SLC38A6: variants seen among roughly 807,000 people sequenced by gnomAD.
SLC38A6 encodes the protein N system amino acid transporter NAT-1.
In SLC38A6, 73 loss-of-function variants were observed where a neutral mutation model predicts 65.0. That is an observed-to-expected ratio of 1.12 (90% confidence interval 0.93 to 1.37). The LOEUF is 1.37. Among genes scored for constraint, SLC38A6 ranks in the 40% most tolerant of loss-of-function variants. The probability of loss-of-function intolerance (pLI) is 0.00; values close to 1 mark genes in which losing one functional copy is unlikely to be tolerated. For synonymous variants in SLC38A6, 183 were observed against 178.8 expected, an observed-to-expected ratio of 1.02 and a Z score of -0.19; for missense variants, 561 against 531.1, an observed-to-expected ratio of 1.06 and a Z score of -0.55.
intron 3 of SLC38A6, among the ~76,000 whole-genome samples, chr14:61,013,589 A>C (rs1029154198): frequency 4.6e-5 from 7 of 152,198 alleles, no homozygotes; most frequent in African/African-American, 1.7e-4. Context: ...GGTGATGACA[A>C]AATCTCTCAG....
At chr14:61,061,475 C>T (rs1566721952) in intron 15 of SLC38A6, among the ~76,000 whole-genome samples, 1 of 152,118 alleles carries the variant, frequency 6.6e-6, no homozygotes, top group South Asian at 2.1e-4. Flanking sequence ...AGTCCCTCCT[C>T]CTCAATTTTT....
At chr14:61,039,365 A>ATTAT (rs527316473) in intron 8 of SLC38A6, among the ~76,000 whole-genome samples, 369 of 151,580 alleles carry the variant, frequency 2.4e-3, no homozygotes, top group Non-Finnish European at 4.3e-3. Flanking sequence ...TGTTTATTTT[A>ATTAT]TTATTTATTT....
At chr14:61,019,445 C>G (rs2040222778) in intron 4 of SLC38A6, 96 bp from the exon 5 acceptor site, 1 of 1,230,082 alleles carries the variant, frequency 8.1e-7, no homozygotes, top group African/African-American at 1.5e-5. Flanking sequence ...ACTTCTGCAT[C>G]TGCTTTTTTA....
chr14:60,998,323 C>T (rs2038438211), intron 3 of SLC38A6, among the ~76,000 whole-genome samples: 1 of 151,868 alleles, frequency 6.6e-6, no homozygotes, highest in Non-Finnish European at 1.5e-5. Context: ...ATTCCAGGTC[C>T]ACAGGCAGGA....
chr14:61,082,161 C>G (rs969913020), intron 16 of SLC38A6, among the ~76,000 whole-genome samples: 1 of 152,094 alleles, frequency 6.6e-6, no homozygotes, highest in Non-Finnish European at 1.5e-5. Context: ...TTAGCACCCC[C>G]GCACCACCCT....
At chr14:61,003,979 T>A (rs1398335964) in intron 3 of SLC38A6, among the ~76,000 whole-genome samples, 1 of 152,136 alleles carries the variant, frequency 6.6e-6, no homozygotes, top group Non-Finnish European at 1.5e-5. Flanking sequence ...GAGATATTCT[T>A]ATAAAACTAA....
At position 61,051,880 on chromosome 14, in the gene SLC38A6, GT is replaced by G. The variant is rs1566713525; in HGVS notation, c.1148del (p.Leu383TyrfsTer15). The G allele has an allele frequency of 6.2e-7, 1 of 1,611,544 alleles. No homozygotes were observed. Among genetic ancestry groups the G allele is most frequent in the East Asian group, 2.2e-5 (1 of 44,708 alleles). ...LITLALNIII[V>X]LLAIYVPDIR... Reference sequence around the variant, plus strand: ...CACTCTAGCACTCAATATTATCATCGTTTTACTTGCAATATATGTTCCTGAC... The same window carrying G: ...CACTCTAGCACTCAATATTATCATCGTTTACTTGCAATATATGTTCCTGAC... On this transcript the variant is annotated frameshift_variant, in exon 14 of 16. Transcript: ENST00000267488. LOFTEE classifies it high-confidence loss of function.
At chr14:61,050,000 C>T (rs1256713157) in intron 12 of SLC38A6, among the ~76,000 whole-genome samples, 1 of 152,112 alleles carries the variant, frequency 6.6e-6, no homozygotes, top group Non-Finnish European at 1.5e-5. Flanking sequence ...TGAAACGTAA[C>T]ATGCACCAAG....
chr14:61,010,697 AT>A (rs2139471076), intron 3 of SLC38A6, among the ~76,000 whole-genome samples: 1 of 152,270 alleles, frequency 6.6e-6, no homozygotes, highest in East Asian at 1.9e-4. Flanking sequence ...AGTTGTAGAT[AT>A]GCGACATTAT....
Position 61,052,532 on chromosome 14 carries a change from T to A in SLC38A6, c.*103T>A. 1 of 1,423,888 alleles carries A rather than the reference T, an allele frequency of 7.0e-7. No individual in the cohort carries two copies. Among genetic ancestry groups the A allele is most frequent in the Non-Finnish European group, 9.1e-7 (1 of 1,094,484 alleles). 88.2% of individuals were successfully genotyped at this position (1,423,888 alleles called of 1,614,324 possible). A position where few individuals can be genotyped will look rare whatever the true frequency, so the allele number is the denominator to read the frequency against. On this transcript the variant is annotated 3_prime_UTR_variant, in exon 16 of 16. Transcript: ENST00000267488. Reference sequence around the variant, plus strand: ...ATGAAAAATAACATTTTAATAAAAATTATTAACAGAAAAGCAGAACAAAAT... The same window carrying A: ...ATGAAAAATAACATTTTAATAAAAAATATTAACAGAAAAGCAGAACAAAAT...
At chr14:61,005,038 CA>C (rs1566634033) in intron 3 of SLC38A6, among the ~76,000 whole-genome samples, 2 of 152,152 alleles carry the variant, frequency 1.3e-5, no homozygotes, top group South Asian at 4.2e-4. Flanking sequence ...TCAATATACG[CA>C]AATCAATAAA....
At chr14:61,073,248 A>C (rs2043290031) in intron 15 of SLC38A6, among the ~76,000 whole-genome samples, 1 of 152,080 alleles carries the variant, frequency 6.6e-6, no homozygotes, top group African/African-American at 2.4e-5. Flanking sequence ...TTTCCAATGG[A>C]GTTGTTTGAG....
intron 2 of SLC38A6, among the ~76,000 whole-genome samples, 183 bp downstream of exon 2, chr14:60,982,821 T>C (rs2037162576): frequency 6.6e-6 from 1 of 152,208 alleles, no homozygotes; most frequent in Non-Finnish European, 1.5e-5. Flanking sequence ...CATAGCTTCT[T>C]AAATACACAG....
intron 4 of SLC38A6, among the ~76,000 whole-genome samples, chr14:61,017,764 T>C (rs892985037): frequency 6.6e-6 from 1 of 152,168 alleles, no homozygotes; most frequent in South Asian, 2.1e-4. Flanking sequence ...TTTTAATACA[T>C]GCACCAAAAA....
At chr14:60,995,989 C>T (rs1000356242) in intron 3 of SLC38A6, among the ~76,000 whole-genome samples, 2 of 152,124 alleles carry the variant, frequency 1.3e-5, no homozygotes, top group African/African-American at 4.8e-5. Context: ...ATAGAATGTA[C>T]AGCACTAAAA....
At chr14:60,984,927 C>A in intron 3 of SLC38A6, 124 bp downstream of exon 3, 1 of 900,072 alleles carries the variant, frequency 1.1e-6, no homozygotes, top group South Asian at 1.5e-5. Flanking sequence ...ATAGGGTGAT[C>A]GGAATGGAGA....
chr14:61,077,875 T>G (rs767133421), intron 15 of SLC38A6, among the ~76,000 whole-genome samples: 9 of 152,352 alleles, frequency 5.9e-5, no homozygotes, highest in Non-Finnish European at 1.0e-4. Context: ...AAAAGTAATT[T>G]GCTTTTAATA....
intron 12 of SLC38A6, chr14:61,048,006 CATACATACATACATACATACATAA>C (rs2042264586): frequency 3.0e-6 from 1 of 331,804 alleles, no homozygotes; most frequent in Non-Finnish European, 5.9e-6. Flanking sequence ...TACATACATA[CATACATACATACATACATACATAA>C]ATAGAATAAA....
chr14:60,997,984 A>G (rs574354196), intron 3 of SLC38A6, among the ~76,000 whole-genome samples: 5 of 152,228 alleles, frequency 3.3e-5, no homozygotes, highest in African/African-American at 7.2e-5. Context: ...CTAATAAGAA[A>G]GAGATAAATA....
Sources: gnomAD v4.1 joint callset for allele counts (sites outside exome capture counted in the v4.1 genomes callset) on GRCh38, gnomAD v4.1.1 for gene constraint, MANE v1.5 for transcripts, NCBI Gene and HGNC (gene_info 2026-07-23, HGNC 2026-07-21) for gene names.